Variants in DROSHA observed in about 807,000 individuals in gnomAD.
The protein encoded by DROSHA is drosha ribonuclease III.
A neutral mutation model predicts 181.9 loss-of-function variants in DROSHA; 56 were observed. The observed-to-expected ratio is 0.31, with a 90% CI of 0.25 to 0.38. The LOEUF (loss-of-function observed/expected upper bound fraction) is 0.38, where lower values mean the gene tolerates loss of function less well. Ranked by LOEUF, DROSHA falls within the 10% of genes least tolerant of loss-of-function variation. The pLI is 1.00. For synonymous variants in DROSHA, 524 were observed against 591.2 expected (o/e 0.89, Z 1.65); for missense variants, 1,218 against 1,743.5 (o/e 0.70, Z 5.37).
At chr5:31,417,933 A>G (rs1742152344) in intron 30 of DROSHA, among the ~76,000 whole-genome samples, 1 of 152,106 alleles carries the variant, frequency 6.6e-6, no homozygotes, top group Admixed American at 6.5e-5. Context: ...TGACTTCACA[A>G]AGGCCTGAGA....
intron 16 of DROSHA, among the ~76,000 whole-genome samples, chr5:31,482,010 C>T (rs886694310): frequency 3.3e-5 from 5 of 152,274 alleles, no homozygotes; most frequent in South Asian, 2.1e-4. Flanking sequence ...AGCCAGACTC[C>T]GACAGGCTCA....
chr5:31,481,470 T>C (rs1036164180), intron 16 of DROSHA, among the ~76,000 whole-genome samples: 5 of 152,202 alleles, frequency 3.3e-5, no homozygotes, highest in African/African-American at 9.6e-5. Flanking sequence ...AAAGTAGATA[T>C]AGAAAGGAAA....
intron 23 of DROSHA, among the ~76,000 whole-genome samples, chr5:31,443,824 T>G (rs1194205862): frequency 6.6e-6 from 1 of 152,148 alleles, no homozygotes; most frequent in Non-Finnish European, 1.5e-5. Context: ...AGTCAATAAG[T>G]AAATAGCCTG....
At chr5:31,492,393 G>A (rs1227566698) in intron 13 of DROSHA, among the ~76,000 whole-genome samples, 1 of 152,232 alleles carries the variant, frequency 6.6e-6, no homozygotes, top group African/African-American at 2.4e-5. Context: ...AATTTCATCT[G>A]TGAAGTAAAC....
Position 31,515,041 on chromosome 5 carries a change from T to C in DROSHA, c.1237A>G (p.Ile413Val). The change falls in exon 8 of 36, where the codon ATT becomes GTT. Residue 413 changes from isoleucine (I) to valine (V), a missense_variant. This residue lies in a region of DROSHA where 460 missense variants were observed against 774.2 expected (regional missense o/e 0.59). Transcript: ENST00000344624. ...TAGTTTTCTGAATGAGTGCATCGAA[T>C]CCACACAGGCTTAAGAAGTTCTTCT... Reference protein sequence around the residue: ...EEEELLKPVWIRCTHSENYYS... With the variant: ...EEEELLKPVWVRCTHSENYYS... 1 of 1,613,976 alleles carries C rather than the reference T, an allele frequency of 6.2e-7. No individual in the cohort carries two copies. The highest frequency in any genetic ancestry group is 1.3e-5 in the African/African-American group (1 of 75,026).
intron 16 of DROSHA, among the ~76,000 whole-genome samples, chr5:31,480,547 C>T (rs1750918823): frequency 6.6e-6 from 1 of 152,000 alleles, no homozygotes; most frequent in Admixed American, 6.6e-5. Context: ...TAAAAACTCA[C>T]TAAGGTCCTA....
intron 17 of DROSHA, among the ~76,000 whole-genome samples, chr5:31,471,816 G>A (rs2330702): frequency 0.095 from 14,436 of 152,000 alleles, 1,279 homozygotes; most frequent in East Asian, 0.22. Flanking sequence ...TGCAACATGC[G>A]TCAAAAGCCT....
Position 31,526,721 on chromosome 5 carries a change from A to T in DROSHA, c.212T>A (p.Phe71Tyr). The T allele has an allele frequency of 1.3e-6, 2 of 1,559,104 alleles. No homozygotes were observed. The highest frequency in any genetic ancestry group is 1.7e-6 in the Non-Finnish European group (2 of 1,156,596). The part of the protein sequence containing the change: ...TTFSNSPAPN[F>Y]LPPRPDFVPF... ...TACAAAGTCTGGTCGTGGAGGGAGA[A>T]AATTGGGGGCTGGAGAGTTTGAGAA... is the stretch of plus-strand genomic sequence containing the variant. The change falls in exon 5 of 36, where the codon TTT (phenylalanine) becomes TAT (tyrosine). Residue 71 changes from phenylalanine (F) to tyrosine (Y), a missense_variant. Phe to Tyr is a conservative substitution (Grantham distance 22). Around this residue, in one of 8 missense-constraint regions of DROSHA, gnomAD observed 536 missense variants for 535.4 expected, o/e 1.00. Coordinates refer to ENST00000344624, the MANE Select transcript of DROSHA (RefSeq NM_001382508.1).
intron 20 of DROSHA, among the ~76,000 whole-genome samples, chr5:31,452,512 G>C (rs516001): frequency 0.7 from 106,063 of 151,960 alleles, 37,386 homozygotes; most frequent in African/African-American, 0.75. Flanking sequence ...ATACTATTTC[G>C]CAAGAACACA....
intron 6 of DROSHA, among the ~76,000 whole-genome samples, chr5:31,516,087 C>G (rs370135521): frequency 7.2e-5 from 11 of 152,140 alleles, no homozygotes; most frequent in African/African-American, 1.2e-4. Flanking sequence ...GAAACCCTGT[C>G]TCTACAAGAA....
intron 25 of DROSHA, 61 bp downstream of exon 25, chr5:31,435,704 T>C (rs1221172806): frequency 6.8e-7 from 1 of 1,472,548 alleles, no homozygotes; most frequent in African/African-American, 1.4e-5. Context: ...TGCAAAATTA[T>C]GCATGGACCG....
intron 3 of DROSHA, among the ~76,000 whole-genome samples, chr5:31,530,476 G>C (rs992139729): frequency 6.6e-6 from 1 of 151,798 alleles, no homozygotes; most frequent in Non-Finnish European, 1.5e-5. Context: ...ACTACCCCAT[G>C]TTTTCCCAAC....
chr5:31,504,388 C>T (rs1325317354), intron 11 of DROSHA, among the ~76,000 whole-genome samples, 167 bp downstream of exon 11: 1 of 152,182 alleles, frequency 6.6e-6, no homozygotes, highest in Non-Finnish European at 1.5e-5. Flanking sequence ...CCCCACTGCG[C>T]TCCCAAAACC....
chr5:31,489,941 C>T (rs1306816760), intron 13 of DROSHA, among the ~76,000 whole-genome samples: 7 of 151,812 alleles, frequency 4.6e-5, no homozygotes, highest in South Asian at 4.1e-4. Context: ...TGCGGTGACG[C>T]GATCTTGACT....
chr5:31,466,780 T>C (rs369003806), intron 18 of DROSHA, among the ~76,000 whole-genome samples: 1 of 152,186 alleles, frequency 6.6e-6, no homozygotes, highest in Non-Finnish European at 1.5e-5. Context: ...CATAGCTGTA[T>C]CCATTTGTCC....
chr5:31,512,371 TA>T (rs1738791213), intron 8 of DROSHA, among the ~76,000 whole-genome samples: 3 of 152,146 alleles, frequency 2.0e-5, no homozygotes, highest in Admixed American at 2.0e-4. Context: ...AACGATGTAA[TA>T]AAAAACAACC....
intron 28 of DROSHA, 45 bp downstream of exon 28, chr5:31,424,382 A>G (rs1743203768): frequency 6.4e-7 from 1 of 1,573,822 alleles, no homozygotes; most frequent in African/African-American, 1.3e-5. Flanking sequence ...TAACATGAAT[A>G]GCTGGAGTTA....
chr5:31,413,634 C>T (rs1741599463), intron 30 of DROSHA, among the ~76,000 whole-genome samples: 1 of 152,210 alleles, frequency 6.6e-6, no homozygotes, highest in Non-Finnish European at 1.5e-5. Context: ...GCTGCTGCTG[C>T]CCTCAGGAAC....
intron 30 of DROSHA, among the ~76,000 whole-genome samples, chr5:31,412,610 C>T (rs561885324): frequency 6.6e-6 from 1 of 152,208 alleles, no homozygotes; most frequent in East Asian, 1.9e-4. Context: ...CTTCATAAGC[C>T]ATGCTTGCTG....
Sources: allele counts gnomAD v4.1 joint callset (sites outside exome capture counted in the v4.1 genomes callset), GRCh38; gene constraint gnomAD v4.1.1; regional missense constraint gnomAD v4.1.1; transcripts MANE v1.5; gene names NCBI Gene and HGNC (gene_info 2026-07-23, HGNC 2026-07-21).